AGBL4: variants seen among roughly 807,000 people sequenced by gnomAD.
AGBL4 encodes AGBL carboxypeptidase 4.
AGBL4 carries 58 observed loss-of-function variants against 66.4 expected under a neutral mutation model. The ratio of observed to expected loss-of-function variants is 0.87; its 90% CI spans 0.71 to 1.09. The LOEUF is 1.09. Ranked by LOEUF, AGBL4 falls within the 50% of genes least tolerant of loss-of-function variation. The pLI, the probability that AGBL4 is intolerant of heterozygous loss-of-function variation, is 0.00. For synonymous variants in AGBL4, 234 were observed against 222.9 expected (o/e 1.05, Z -0.44); for missense variants, 579 against 631.0 (o/e 0.92, Z 0.88).
At chr1:49,092,194 C>T (rs997229744) in intron 4 of AGBL4, among the ~76,000 whole-genome samples, 1 of 152,060 alleles carries the variant, frequency 6.6e-6, no homozygotes, top group African/African-American at 2.4e-5. Context: ...TAAAACAAAA[C>T]AAACAAATGA....
chr1:48,837,492 G>C lies in AGBL4; in HGVS notation c.634+29699C>G, dbSNP rs150416703. 2.3e-4 allele frequency among the ~76,000 whole-genome samples: 35 copies of C among 151,744 alleles called. 1 individual carries two copies. The highest frequency in any genetic ancestry group is 8.0e-4 in the African/African-American group (33 of 41,398). ...TATAAAGCAGGCAGAAAAACAGGAAGATCACTTAGCCTCCCAGCCTACATC... is the reference window on the plus strand; with the variant it reads ...TATAAAGCAGGCAGAAAAACAGGAACATCACTTAGCCTCCCAGCCTACATC... On this transcript the variant is annotated intron_variant, in intron 6 of 13. Coordinates refer to ENST00000371839, the MANE Select transcript of AGBL4 (RefSeq NM_032785.4).
At chr1:49,376,200 G>T (rs1172739484) in intron 3 of AGBL4, among the ~76,000 whole-genome samples, 1 of 151,976 alleles carries the variant, frequency 6.6e-6, no homozygotes, top group East Asian at 1.9e-4. Flanking sequence ...TGGTGCTATT[G>T]CCTCAGTCTG....
chr1:49,754,440 T>C (rs1651731464), intron 2 of AGBL4, among the ~76,000 whole-genome samples: 1 of 152,142 alleles, frequency 6.6e-6, no homozygotes, highest in South Asian at 2.1e-4. Flanking sequence ...CTTCTAATAG[T>C]AGGGCCTTTC....
intron 5 of AGBL4, among the ~76,000 whole-genome samples, chr1:48,900,055 G>A (rs1387525718): frequency 1.3e-5 from 2 of 152,204 alleles, no homozygotes; most frequent in East Asian, 3.9e-4. Flanking sequence ...GAAGGCAAAG[G>A]GATGTGAGTG....
At chr1:48,917,625 C>T (rs539626877) in intron 5 of AGBL4, among the ~76,000 whole-genome samples, 3 of 152,282 alleles carry the variant, frequency 2.0e-5, no homozygotes, top group Non-Finnish European at 2.9e-5. Flanking sequence ...TTCTTAAGTG[C>T]CTCAAACTGA....
At chr1:49,606,073 C>G (rs1029320425) in intron 3 of AGBL4, among the ~76,000 whole-genome samples, 1 of 152,070 alleles carries the variant, frequency 6.6e-6, no homozygotes. Context: ...TAAAGGCTAT[C>G]TTTGACACAA....
At chr1:49,407,549 C>G (rs985568531) in intron 3 of AGBL4, among the ~76,000 whole-genome samples, 3 of 152,128 alleles carry the variant, frequency 2.0e-5, no homozygotes, top group African/African-American at 7.2e-5. Context: ...ATAACCTTGA[C>G]TAATAGCTAT....
intron 3 of AGBL4, among the ~76,000 whole-genome samples, chr1:49,570,429 A>G (rs1480764093): frequency 1.3e-5 from 2 of 152,022 alleles, no homozygotes; most frequent in Non-Finnish European, 2.9e-5. Context: ...CCACTTTTTA[A>G]TTGGATCATT....
chr1:49,667,186 T>C (rs1403421058), intron 3 of AGBL4, among the ~76,000 whole-genome samples: 2 of 152,220 alleles, frequency 1.3e-5, no homozygotes, highest in East Asian at 1.9e-4. Flanking sequence ...AGGCCAGGCA[T>C]GGTAGCTCAT....
intron 3 of AGBL4, among the ~76,000 whole-genome samples, chr1:49,420,641 C>A (rs1297705605): frequency 6.6e-6 from 1 of 151,324 alleles, no homozygotes; most frequent in Non-Finnish European, 1.5e-5. Flanking sequence ...GTAGAGCTTG[C>A]CGTGAGCCGA....
chr1:49,388,481 C>G (rs574949803), intron 3 of AGBL4, among the ~76,000 whole-genome samples: 1 of 152,210 alleles, frequency 6.6e-6, no homozygotes, highest in African/African-American at 2.4e-5. Flanking sequence ...GGAAGGCATG[C>G]TATTTGTACA....
chr1:48,566,841 C>T (rs1428493009), intron 11 of AGBL4, among the ~76,000 whole-genome samples: 1 of 152,158 alleles, frequency 6.6e-6, no homozygotes, highest in Non-Finnish European at 1.5e-5. Context: ...GCCAAAATTG[C>T]ATGAAGGCTA....
chr1:48,939,216 C>A (rs1655736789), intron 5 of AGBL4, among the ~76,000 whole-genome samples: 1 of 152,190 alleles, frequency 6.6e-6, no homozygotes, highest in African/African-American at 2.4e-5. Flanking sequence ...CAATTCCTGG[C>A]ACAAAGGAGT....
At chr1:49,726,383 A>G (rs1016141443) in intron 2 of AGBL4, among the ~76,000 whole-genome samples, 13 of 152,174 alleles carry the variant, frequency 8.5e-5, no homozygotes, top group African/African-American at 3.1e-4. Flanking sequence ...CTGCAGTGCC[A>G]TTAAAGAATA....
chr1:49,646,098 C>T (rs1223444606), intron 3 of AGBL4, among the ~76,000 whole-genome samples: 4 of 151,776 alleles, frequency 2.6e-5, no homozygotes, highest in South Asian at 2.1e-4. Flanking sequence ...AAGGCTTTCC[C>T]TCTAATATCA....
intron 6 of AGBL4, among the ~76,000 whole-genome samples, chr1:48,702,211 A>G (rs962187825): frequency 2.6e-5 from 4 of 152,078 alleles, no homozygotes; most frequent in Non-Finnish European, 5.9e-5. Flanking sequence ...TTTCTGAGCC[A>G]GCCAGAGCCT....
intron 1 of AGBL4, among the ~76,000 whole-genome samples, chr1:49,912,221 G>T (rs2148213761): frequency 6.6e-6 from 1 of 152,250 alleles, no homozygotes; most frequent in South Asian, 2.1e-4. Flanking sequence ...GGACTTGCGA[G>T]GAGACATGCC....
chr1:49,038,290 A>AGC (rs1664824042), intron 5 of AGBL4, among the ~76,000 whole-genome samples: 1 of 152,258 alleles, frequency 6.6e-6, no homozygotes, highest in African/African-American at 2.4e-5. Context: ...GGGAAAGTAA[A>AGC]GCAGACTTGA....
At chr1:49,441,119 C>T (rs1438150479) in intron 3 of AGBL4, among the ~76,000 whole-genome samples, 5 of 152,156 alleles carry the variant, frequency 3.3e-5, no homozygotes, top group South Asian at 2.1e-4. Context: ...AGCTTCAAGA[C>T]ATATGACTAG....
Sources: gnomAD v4.1 joint callset for allele counts (sites outside exome capture counted in the v4.1 genomes callset) on GRCh38, gnomAD v4.1.1 for gene constraint, MANE v1.5 for transcripts, NCBI Gene and HGNC (gene_info 2026-07-23, HGNC 2026-07-21) for gene names.